Variants in TOX observed in about 807,000 individuals in gnomAD.
TOX encodes thymocyte selection-associated high mobility group box protein TOX.
TOX carries 11 observed loss-of-function variants against 53.7 expected under a neutral mutation model. That is an observed-to-expected ratio of 0.20 (90% CI 0.13 to 0.34). TOX has a LOEUF of 0.34. TOX is among the 10% of genes least tolerant of loss of function. The pLI is 1.00. For missense variants in TOX, 570 were observed against 664.6 expected (o/e 0.86, Z 1.56); for synonymous variants, 225 against 245.3 (o/e 0.92, Z 0.77).
intron 7 of TOX, among the ~76,000 whole-genome samples, chr8:58,813,977 G>A (rs747308122): frequency 6.6e-6 from 1 of 152,110 alleles, no homozygotes; most frequent in Non-Finnish European, 1.5e-5. Flanking sequence ...TTGAATTCCA[G>A]CTCTGACCTT....
intron 3 of TOX, among the ~76,000 whole-genome samples, chr8:58,934,676 G>T (rs1047965887): frequency 1.3e-5 from 2 of 152,112 alleles, no homozygotes; most frequent in Non-Finnish European, 2.9e-5. Flanking sequence ...AGTCTTTTTT[G>T]ACAGATGTGA....
intron 1 of TOX, among the ~76,000 whole-genome samples, chr8:58,965,894 G>GCTTTTTTTTTTTTTTTT (rs1374766431): frequency 2.0e-5 from 1 of 49,616 alleles, no homozygotes; most frequent in African/African-American, 7.7e-5. Flanking sequence ...ACGAGTCATC[G>GCTTTTTTTTTTTTTTTT]TTTTTTTTTT....
chr8:58,890,975 C>T (rs773873784), intron 3 of TOX, among the ~76,000 whole-genome samples: 3 of 152,094 alleles, frequency 2.0e-5, no homozygotes, highest in Non-Finnish European at 4.4e-5. Context: ...TCTTAGAGAT[C>T]GGTATGTTCA....
intron 1 of TOX, among the ~76,000 whole-genome samples, chr8:58,989,354 C>T (rs117223406): frequency 1.3e-5 from 2 of 151,966 alleles, no homozygotes; most frequent in Non-Finnish European, 2.9e-5. Context: ...ACTCTTTTAG[C>T]TATGTTTAGT....
At chr8:58,822,282 G>C (rs1810294705) in intron 6 of TOX, among the ~76,000 whole-genome samples, 2 of 152,150 alleles carry the variant, frequency 1.3e-5, no homozygotes, top group South Asian at 4.1e-4. Flanking sequence ...TTTGTTTTCT[G>C]GGTTTCATAA....
chr8:59,108,677 CACACACACAT>C (rs1034537143), intron 1 of TOX, among the ~76,000 whole-genome samples: 13 of 150,520 alleles, frequency 8.6e-5, no homozygotes, highest in Admixed American at 2.0e-4. Context: ...CACACACACA[CACACACACAT>C]ACACACACAA....
At chr8:58,874,516 T>A (rs1215503721) in intron 3 of TOX, among the ~76,000 whole-genome samples, 1 of 152,120 alleles carries the variant, frequency 6.6e-6, no homozygotes, top group African/African-American at 2.4e-5. Flanking sequence ...AGGACAAGAA[T>A]CATGCACTAT....
intron 1 of TOX, among the ~76,000 whole-genome samples, chr8:59,112,047 A>G (rs1401676427): frequency 1.3e-5 from 2 of 152,212 alleles, no homozygotes; most frequent in Non-Finnish European, 2.9e-5. Context: ...TTTAACTTTA[A>G]AATTTTTATC....
intron 3 of TOX, among the ~76,000 whole-genome samples, chr8:58,861,543 C>T (rs778893694): frequency 5.3e-5 from 8 of 152,060 alleles, no homozygotes; most frequent in East Asian, 1.9e-4. Context: ...TTTTGATGTG[C>T]CCAGAGAAGG....
At chr8:59,028,098 T>C (rs1158506584) in intron 1 of TOX, among the ~76,000 whole-genome samples, 1 of 152,182 alleles carries the variant, frequency 6.6e-6, no homozygotes, top group Non-Finnish European at 1.5e-5. Context: ...TACCACGAAT[T>C]TGTATAAAAT....
chr8:58,933,858 CT>C (rs1394962506), intron 3 of TOX, among the ~76,000 whole-genome samples: 1 of 152,266 alleles, frequency 6.6e-6, no homozygotes, highest in East Asian at 1.9e-4. Flanking sequence ...CACCCCACCC[CT>C]GACACCACTC....
intron 1 of TOX, among the ~76,000 whole-genome samples, chr8:59,023,450 A>G (rs536888626): frequency 6.6e-6 from 1 of 152,172 alleles, no homozygotes; most frequent in Non-Finnish European, 1.5e-5. Flanking sequence ...GGAGAAGGCA[A>G]CTCTGAGAAG....
chr8:58,844,075 G>A (rs531763898), intron 4 of TOX, among the ~76,000 whole-genome samples: 3 of 152,216 alleles, frequency 2.0e-5, no homozygotes, highest in Non-Finnish European at 2.9e-5. Context: ...GTCTGGATCC[G>A]GACTTCTTGC....
At chr8:58,961,540 T>C (rs1405368050) in intron 1 of TOX, among the ~76,000 whole-genome samples, 1 of 152,088 alleles carries the variant, frequency 6.6e-6, no homozygotes. Flanking sequence ...CTCTTTTTTT[T>C]TTTTTTGAGA....
At chr8:59,091,653 C>G (rs1200483874) in intron 1 of TOX, among the ~76,000 whole-genome samples, 1 of 152,064 alleles carries the variant, frequency 6.6e-6, no homozygotes, top group African/African-American at 2.4e-5. Context: ...ATACACAGAG[C>G]CCTCAGTGCA....
chr8:59,064,557 GT>G (rs776418376), intron 1 of TOX, among the ~76,000 whole-genome samples: 1 of 152,054 alleles, frequency 6.6e-6, no homozygotes, highest in Non-Finnish European at 1.5e-5. Context: ...ATCTATTAAT[GT>G]AGTTTTTTTC....
intron 6 of TOX, among the ~76,000 whole-genome samples, chr8:58,824,304 C>T (rs1185896873): frequency 6.6e-6 from 1 of 152,152 alleles, no homozygotes; most frequent in African/African-American, 2.4e-5. Flanking sequence ...CCTTTAAAAA[C>T]GTAAGTCCCA....
chr8:58,864,609 A>T (rs1458768627), intron 3 of TOX, among the ~76,000 whole-genome samples: 4 of 152,212 alleles, frequency 2.6e-5, no homozygotes, highest in Admixed American at 2.0e-4. Flanking sequence ...TTGCCACATA[A>T]ATTATGCTTT....
chr8:58,881,721 C>G (rs1811385540), intron 3 of TOX, among the ~76,000 whole-genome samples: 1 of 57,846 alleles, frequency 1.7e-5, no homozygotes, highest in Non-Finnish European at 3.1e-5. Context: ...GAGATTCCAT[C>G]TCAAAAAAAA....
Sources: allele counts gnomAD v4.1 joint callset (sites outside exome capture counted in the v4.1 genomes callset), GRCh38; gene constraint gnomAD v4.1.1; transcripts MANE v1.5; gene names NCBI Gene and HGNC (gene_info 2026-07-23, HGNC 2026-07-21).